EXOC4: variants seen among roughly 807,000 people sequenced by gnomAD.
EXOC4 encodes the protein SEC8-like 1.
Under a neutral mutation model 107.2 loss-of-function variants are expected in EXOC4, and 71 were observed. The ratio of observed to expected loss-of-function variants is 0.66; its 90% confidence interval spans 0.55 to 0.81. The LOEUF (loss-of-function observed/expected upper bound fraction) is 0.81. EXOC4 is among the 30% of genes least tolerant of loss of function. EXOC4 has a pLI of 0.00. For missense variants in EXOC4, 1,108 were observed against 1,189.6 expected (o/e 0.93, Z 1.01); for synonymous variants, 456 against 441.2 (o/e 1.03, Z -0.42).
chr7:133,277,035 C>T (rs1584770641), intron 2 of EXOC4, among the ~76,000 whole-genome samples: 1 of 151,770 alleles, frequency 6.6e-6, no homozygotes, highest in South Asian at 2.1e-4. Context: ...GATCTAAGCT[C>T]ACTGCAGCCT....
At chr7:133,951,923 G>A (rs1264320761) in intron 14 of EXOC4, among the ~76,000 whole-genome samples, 1 of 152,184 alleles carries the variant, frequency 6.6e-6, no homozygotes, top group Non-Finnish European at 1.5e-5. Context: ...ACTCTGGGGG[G>A]CCAAGGCAGG....
intron 9 of EXOC4, among the ~76,000 whole-genome samples, chr7:133,619,769 C>T (rs766144969): frequency 3.3e-5 from 5 of 152,162 alleles, no homozygotes; most frequent in Non-Finnish European, 7.4e-5. Flanking sequence ...ACACTTAGTA[C>T]AAAGAATGCA....
chr7:134,024,246 C>G (rs890722662), intron 17 of EXOC4, among the ~76,000 whole-genome samples: 1 of 152,056 alleles, frequency 6.6e-6, no homozygotes, highest in Non-Finnish European at 1.5e-5. Flanking sequence ...GTCAGGAGAT[C>G]GAGACCATCC....
chr7:133,645,808 C>A (rs1802975787), intron 10 of EXOC4, among the ~76,000 whole-genome samples: 1 of 151,984 alleles, frequency 6.6e-6, no homozygotes, highest in African/African-American at 2.4e-5. Flanking sequence ...AGACAAATTA[C>A]AAATATGCAC....
At chr7:133,594,187 C>A (rs1801611415) in intron 9 of EXOC4, among the ~76,000 whole-genome samples, 1 of 152,054 alleles carries the variant, frequency 6.6e-6, no homozygotes, top group African/African-American at 2.4e-5. Context: ...TGTTGCTTCC[C>A]ATTAACCAAA....
chr7:133,707,564 C>T (rs1288098038), intron 10 of EXOC4, among the ~76,000 whole-genome samples: 1 of 150,444 alleles, frequency 6.6e-6, no homozygotes. Context: ...CCAATTTTTG[C>T]TCACCTCCCA....
intron 9 of EXOC4, among the ~76,000 whole-genome samples, chr7:133,555,198 C>T (rs889303865): frequency 6.6e-6 from 1 of 152,016 alleles, no homozygotes; most frequent in Non-Finnish European, 1.5e-5. Flanking sequence ...ATTAAAATAC[C>T]TTTTTTTCTT....
chr7:133,286,485 T>G (rs1794279581), intron 2 of EXOC4, among the ~76,000 whole-genome samples: 1 of 152,178 alleles, frequency 6.6e-6, no homozygotes, highest in Non-Finnish European at 1.5e-5. Flanking sequence ...TCTGCAGGCT[T>G]TCTGTGCATG....
intron 9 of EXOC4, among the ~76,000 whole-genome samples, chr7:133,590,294 G>T (rs1381372006): frequency 1.3e-5 from 2 of 151,852 alleles, no homozygotes; most frequent in Non-Finnish European, 2.9e-5. Flanking sequence ...AAATTAATTA[G>T]TATTTTTATT....
At chr7:133,411,925 T>TG (rs1351657938) in intron 7 of EXOC4, among the ~76,000 whole-genome samples, 1 of 152,170 alleles carries the variant, frequency 6.6e-6, no homozygotes, top group Non-Finnish European at 1.5e-5. Context: ...TGAATGTATG[T>TG]GCTCACCTGC....
chr7:133,623,812 C>A (rs1240056946), intron 9 of EXOC4, among the ~76,000 whole-genome samples: 1 of 152,146 alleles, frequency 6.6e-6, no homozygotes, highest in Non-Finnish European at 1.5e-5. Flanking sequence ...ATACTTGTAA[C>A]AAGGTTACCT....
At chr7:133,785,118 C>T (rs1291643289) in intron 10 of EXOC4, among the ~76,000 whole-genome samples, 2 of 152,188 alleles carry the variant, frequency 1.3e-5, no homozygotes, top group South Asian at 4.1e-4. Flanking sequence ...CAGATTACTG[C>T]CTCATAGCAA....
intron 9 of EXOC4, among the ~76,000 whole-genome samples, chr7:133,579,686 C>CTTTTTTTTT (rs11368284): frequency 1.4e-5 from 2 of 139,796 alleles, no homozygotes; most frequent in Non-Finnish European, 3.1e-5. Context: ...CACAACTTTA[C>CTTTTTTTTT]TTTTTTTTTT....
At chr7:133,714,038 T>C (rs1037078813) in intron 10 of EXOC4, among the ~76,000 whole-genome samples, 1 of 152,188 alleles carries the variant, frequency 6.6e-6, no homozygotes, top group African/African-American at 2.4e-5. Context: ...CTTGATAGGA[T>C]ACACAGAGCC....
rs1321651297 is a variant in EXOC4 at position 133,274,963 on chromosome 7, T to C, written c.87-19T>C. ...CTTTCAAGTTTTACTTAGCTTGATA[T>C]ACTCTCTGCCTTCACCAGGACTCTG... On this transcript the variant is annotated intron_variant, in intron 1 of 17. Coordinates refer to ENST00000253861, the MANE Select transcript of EXOC4 (RefSeq NM_021807.4). 3.2e-6 allele frequency: 5 copies of C among 1,544,776 alleles called. No individual in the cohort carries two copies. Among genetic ancestry groups the C allele is most frequent in the South Asian group, 1.3e-5 (1 of 79,048 alleles).
chr7:133,779,724 G>T (rs1466572285), intron 10 of EXOC4, among the ~76,000 whole-genome samples: 2 of 152,266 alleles, frequency 1.3e-5, no homozygotes, highest in Non-Finnish European at 2.9e-5. Flanking sequence ...TCTGTAGCTA[G>T]CTAGAGATTT....
intron 10 of EXOC4, among the ~76,000 whole-genome samples, chr7:133,667,740 A>G (rs780654116): frequency 6.6e-6 from 1 of 152,232 alleles, no homozygotes; most frequent in Non-Finnish European, 1.5e-5. Context: ...GCAAGACTTA[A>G]TAACAGGAAT....
At position 133,544,410 on chromosome 7, in the gene EXOC4, TTTG is replaced by T. The variant is rs1212793600; in HGVS notation, c.1417+64275_1417+64277del. 3.3e-5 allele frequency among the ~76,000 whole-genome samples: 5 copies of T among 152,300 alleles called. No individual in the cohort carries two copies. In the East Asian group the frequency reaches 9.6e-4, roughly 29 times the overall value. On this transcript the variant is annotated intron_variant, in intron 9 of 17. Transcript: ENST00000253861. ...CTTTTATAGTAACTTCCACCATTTA[TTTG>T]TTTTCTTAGTAGGAAACTGATTTAC... is the stretch of plus-strand genomic sequence containing the variant.
chr7:133,463,563 A>G (rs1798644896), intron 7 of EXOC4, among the ~76,000 whole-genome samples: 1 of 152,216 alleles, frequency 6.6e-6, no homozygotes, highest in African/African-American at 2.4e-5. Context: ...AGCAAGGGTT[A>G]GGATATTTTA....
Sources: gnomAD v4.1 joint callset for allele counts (sites outside exome capture counted in the v4.1 genomes callset) on GRCh38, gnomAD v4.1.1 for gene constraint, MANE v1.5 for transcripts, NCBI Gene and HGNC (gene_info 2026-07-23, HGNC 2026-07-21) for gene names.